Variants in MPPED1 observed in about 807,000 individuals in gnomAD.
MPPED1 encodes the protein metallophosphoesterase domain containing 1, also known as metallophosphoesterase domain-containing protein 1.
In MPPED1, 16 loss-of-function variants were observed where a neutral mutation model predicts 36.2. The observed-to-expected ratio is 0.44, with a 90% confidence interval of 0.30 to 0.67. The LOEUF (loss-of-function observed/expected upper bound fraction) is 0.67, where lower values mean the gene tolerates loss of function less well. Ranked by LOEUF, MPPED1 falls within the 30% of genes least tolerant of loss-of-function variation. The pLI is 0.10. For missense variants in MPPED1, 307 were observed against 453.4 expected, an observed-to-expected ratio of 0.68 and a Z score of 2.93; for synonymous variants, 199 against 191.3, an observed-to-expected ratio of 1.04 and a Z score of -0.33.
At chr22:43,462,446 T>G (rs950875994) in intron 3 of MPPED1, among the ~76,000 whole-genome samples, 2 of 152,194 alleles carry the variant, frequency 1.3e-5, no homozygotes, top group Non-Finnish European at 2.9e-5. Flanking sequence ...TTTTTCAATT[T>G]AGACATTACT....
At chr22:43,469,142 G>C (rs1217000609) in intron 3 of MPPED1, among the ~76,000 whole-genome samples, 1 of 152,136 alleles carries the variant, frequency 6.6e-6, no homozygotes, top group Non-Finnish European at 1.5e-5. Context: ...CCGGGGTTCA[G>C]GTACTTCCTG....
At position 43,505,812 on chromosome 22, in the gene MPPED1, G is replaced by A. The variant is rs1403925410; in HGVS notation, c.*196G>A. The stretch of plus-strand genomic sequence containing the variant: ...GGGACCCTGCGCATCCCCATCAGGG[G>A]TTCTGTGCTCATTTACTTTTTCTGC... On this transcript the variant is annotated 3_prime_UTR_variant, in exon 7 of 7. Transcript: ENST00000443721. 4 of 562,352 alleles carry A rather than the reference G, an allele frequency of 7.1e-6. No individual in the cohort carries two copies. The African/African-American group carries it at 7.5e-5, about 11-fold the overall frequency. 34.8% of individuals were successfully genotyped at this position (562,352 alleles called of 1,614,324 possible). A position where few individuals can be genotyped will look rare whatever the true frequency, so the allele number is the denominator to read the frequency against.
At chr22:43,434,907 C>A in intron 2 of MPPED1, 127 bp from the exon 3 acceptor site, 2 of 1,034,404 alleles carry the variant, frequency 1.9e-6, no homozygotes, top group Non-Finnish European at 2.8e-6. Flanking sequence ...GGCGTCCAGT[C>A]CCTGGTCTGG....
intron 4 of MPPED1, among the ~76,000 whole-genome samples, chr22:43,476,132 T>G (rs1931570115): frequency 6.6e-6 from 1 of 151,996 alleles, no homozygotes; most frequent in South Asian, 2.1e-4. Flanking sequence ...GCAATTACAG[T>G]AATCTGGGCC....
intron 3 of MPPED1, among the ~76,000 whole-genome samples, chr22:43,449,348 T>G (rs1930475693): frequency 6.6e-6 from 1 of 151,592 alleles, no homozygotes; most frequent in South Asian, 2.1e-4. Flanking sequence ...TTTCTGGAGG[T>G]CACGCAGGTC....
chr22:43,434,734 A>G (rs1330480206), intron 2 of MPPED1, among the ~76,000 whole-genome samples: 1 of 152,244 alleles, frequency 6.6e-6, no homozygotes, highest in African/African-American at 2.4e-5. Flanking sequence ...GCAGATGCTC[A>G]CTGCACCCAC....
At position 43,474,868 on chromosome 22, in the gene MPPED1, A is replaced by T; in HGVS notation, c.539A>T (p.Asn180Ile). Residue 180 changes from asparagine to isoleucine, a missense_variant, in exon 4 of 7, where the codon AAC (asparagine) becomes ATC (isoleucine). Physicochemically the swap from Asn to Ile is moderately radical, Grantham distance 149. Coordinates refer to ENST00000443721, the MANE Select transcript of MPPED1 (RefSeq NM_001044370.2). This position sits in a 1 kb window ranked among gnomAD's most constrained non-coding sequence, Gnocchi z 5.2. Reference protein sequence around the residue: ...FPSVSKLKPENYENVQSLLTN... With the variant: ...FPSVSKLKPEIYENVQSLLTN... ...TCTGTGTCGAAGCTGAAGCCGGAGAACTATGAGAATGTGCAGTCGCTGCTG... is the reference window on the plus strand; with the variant it reads ...TCTGTGTCGAAGCTGAAGCCGGAGATCTATGAGAATGTGCAGTCGCTGCTG... 1 of 1,614,056 alleles carries T rather than the reference A, an allele frequency of 6.2e-7. No homozygotes were observed. The highest frequency in any genetic ancestry group is 8.5e-7 in the Non-Finnish European group (1 of 1,179,902).
intron 3 of MPPED1, among the ~76,000 whole-genome samples, chr22:43,471,834 G>T (rs1209064066): frequency 1.3e-5 from 2 of 152,214 alleles, no homozygotes; most frequent in African/African-American, 2.4e-5. Flanking sequence ...TCTCCCATGA[G>T]CACAGCAAGC....
intron 4 of MPPED1, among the ~76,000 whole-genome samples, chr22:43,477,261 C>G (rs1931605746): frequency 6.6e-6 from 1 of 152,236 alleles, no homozygotes; most frequent in Non-Finnish European, 1.5e-5. Flanking sequence ...GGCTGAACGC[C>G]CCCTCTCTCC....
chr22:43,434,300 G>C (rs1467276812), intron 2 of MPPED1, among the ~76,000 whole-genome samples: 1 of 152,234 alleles, frequency 6.6e-6, no homozygotes, highest in East Asian at 1.9e-4. Context: ...GTCTAGAAAT[G>C]ATCACACTGT....
chr22:43,502,840 A>G lies in MPPED1; in HGVS notation c.862+83A>G, dbSNP rs1386433886. ...AGCAGGACCTCCCCTTCGTTCAGCCAGAAGGGAAATAAATAGCCCATTCCT... is the reference window on the plus strand; with the variant it reads ...AGCAGGACCTCCCCTTCGTTCAGCCGGAAGGGAAATAAATAGCCCATTCCT... On this transcript the variant is annotated intron_variant, in intron 6 of 6. Transcript: ENST00000443721. This position sits in a 1 kb window ranked among gnomAD's most constrained non-coding sequence, Gnocchi z 5.5. The G allele has an allele frequency of 1.7e-6, 2 of 1,186,886 alleles. No homozygotes were observed. The highest frequency in any genetic ancestry group is 1.3e-6 in the Non-Finnish European group (1 of 797,080). 73.5% of individuals were successfully genotyped at this position (1,186,886 alleles called of 1,614,324 possible). A position where few individuals can be genotyped will look rare whatever the true frequency, so the allele number is the denominator to read the frequency against.
At chr22:43,479,067 T>TG (rs1372111516) in intron 4 of MPPED1, among the ~76,000 whole-genome samples, 3 of 151,886 alleles carry the variant, frequency 2.0e-5, no homozygotes, top group Non-Finnish European at 4.4e-5. Flanking sequence ...GAGTGGGGTG[T>TG]GGGGGGGTTG....
At chr22:43,487,009 G>C (rs1045531054) in intron 4 of MPPED1, among the ~76,000 whole-genome samples, 2 of 152,174 alleles carry the variant, frequency 1.3e-5, no homozygotes, top group African/African-American at 2.4e-5. Context: ...CTGGCAGGAT[G>C]GTGCAGAGTG....
intron 1 of MPPED1, chr22:43,416,900 A>G (rs1929094456): frequency 1.3e-6 from 1 of 785,576 alleles, no homozygotes; most frequent in Non-Finnish European, 1.5e-6. Context: ...CGTTCTGTGC[A>G]ATGGGAATGG....
At position 43,506,502 on chromosome 22, in the gene MPPED1, C is replaced by A. The variant is rs1403575597; in HGVS notation, c.*886C>A. 1 of 152,364 alleles carries A rather than the reference C, an allele frequency of 6.6e-6. No homozygotes were observed. Among genetic ancestry groups the A allele is most frequent in the Admixed American group, 6.5e-5 (1 of 15,296 alleles). 9.4% of individuals were successfully genotyped at this position (152,364 alleles called of 1,614,324 possible). A position where few individuals can be genotyped will look rare whatever the true frequency, so the allele number is the denominator to read the frequency against. On this transcript the variant is annotated 3_prime_UTR_variant, in exon 7 of 7. Coordinates refer to ENST00000443721, the MANE Select transcript of MPPED1 (RefSeq NM_001044370.2). Reference sequence around the variant, plus strand: ...GCACCGACACACATGCACGCACGCACCCCTCTTAATTGAACCAAGTGGGTC... The same window carrying A: ...GCACCGACACACATGCACGCACGCAACCCTCTTAATTGAACCAAGTGGGTC...
intron 5 of MPPED1, among the ~76,000 whole-genome samples, chr22:43,499,249 T>A (rs1932537060): frequency 7.1e-6 from 1 of 141,394 alleles, no homozygotes; most frequent in Non-Finnish European, 1.6e-5. Context: ...GGGGTGGTGG[T>A]GGTGATGGAG....
intron 2 of MPPED1, among the ~76,000 whole-genome samples, chr22:43,432,411 TAAAGGGAGGAGAGAG>T (rs1929733658): frequency 2.8e-5 from 1 of 36,314 alleles, no homozygotes; most frequent in Non-Finnish European, 5.4e-5. Context: ...GAGAGAGAGA[TAAAGGGAGGAGAGAG>T]AAAGGGAGGA....
In MPPED1 at chr22:43,488,177, G is replaced by C. The variant is rs963479094; in HGVS notation, c.633-10058G>C. Among the ~76,000 whole-genome samples the C allele has an allele frequency of 7.8e-4, 118 of 152,244 alleles. 1 individual carries two copies. Among genetic ancestry groups the C allele is most frequent in the African/African-American group, 2.3e-3 (94 of 41,542 alleles). ...GGGTGTCTGCTCTGTGTCCCATTGA[G>C]GGCGGCCCCTACGCCGCCCTCAGCC... is the stretch of plus-strand genomic sequence containing the variant. On this transcript the variant is annotated intron_variant, in intron 4 of 6. Transcript: ENST00000443721.
intron 3 of MPPED1, among the ~76,000 whole-genome samples, chr22:43,444,836 T>A (rs1162132577): frequency 6.6e-6 from 1 of 152,242 alleles, no homozygotes; most frequent in Non-Finnish European, 1.5e-5. Flanking sequence ...CATTTGGATT[T>A]TTTGTTTGCT....
Sources: allele counts gnomAD v4.1 joint callset (sites outside exome capture counted in the v4.1 genomes callset), GRCh38; gene constraint gnomAD v4.1.1; non-coding constraint Gnocchi (gnomAD v3.1); transcripts MANE v1.5; gene names NCBI Gene and HGNC (gene_info 2026-07-23, HGNC 2026-07-21).